Variants in RPN2 observed in about 807,000 individuals in gnomAD.
RPN2 encodes ribophorin II.
A neutral mutation model predicts 71.4 loss-of-function variants in RPN2; 29 were observed. The observed-to-expected ratio is 0.41, with a 90% CI of 0.30 to 0.55. RPN2 has a LOEUF of 0.55. Ranked by LOEUF, RPN2 falls within the 20% of genes least tolerant of loss-of-function variation. The pLI is 0.35. For missense variants in RPN2, 726 were observed against 774.1 expected, an observed-to-expected ratio of 0.94 and a Z score of 0.74; for synonymous variants, 308 against 305.0, an observed-to-expected ratio of 1.01 and a Z score of -0.10.
intron 2 of RPN2, among the ~76,000 whole-genome samples, chr20:37,185,977 G>A (rs966071047): frequency 9.9e-5 from 15 of 152,240 alleles, no homozygotes; most frequent in Non-Finnish European, 1.6e-4. Context: ...TCCTGTGGTT[G>A]TGGGCCTGAG....
At chr20:37,225,068 C>T (rs1174586527) in intron 10 of RPN2, among the ~76,000 whole-genome samples, 2 of 152,204 alleles carry the variant, frequency 1.3e-5, no homozygotes, top group Non-Finnish European at 2.9e-5. Context: ...GGTTTATCCC[C>T]TGGCCATCTT....
intron 15 of RPN2, among the ~76,000 whole-genome samples, chr20:37,235,472 GGGCCTGGACCA>G (rs925355221): frequency 6.6e-6 from 1 of 152,136 alleles, no homozygotes; most frequent in African/African-American, 2.4e-5. Context: ...GGTAAGGGCA[GGGCCTGGACCA>G]GGCCCCAGGG....
chr20:37,219,340 A>C (rs1355290033), intron 9 of RPN2, among the ~76,000 whole-genome samples: 1 of 152,100 alleles, frequency 6.6e-6, no homozygotes, highest in African/African-American at 2.4e-5. Flanking sequence ...TGTCTATTCA[A>C]ATCCATTGTC....
chr20:37,237,402 A>T (rs1238232165), intron 16 of RPN2, among the ~76,000 whole-genome samples: 4 of 152,372 alleles, frequency 2.6e-5, no homozygotes, highest in African/African-American at 7.2e-5. Context: ...AAGGCCAGTA[A>T]GAACAGAATT....
chr20:37,231,618 A>C (rs577449434), intron 13 of RPN2, among the ~76,000 whole-genome samples: 3 of 152,018 alleles, frequency 2.0e-5, no homozygotes, highest in East Asian at 3.9e-4. Flanking sequence ...AGGCTAAGGC[A>C]GGAGGATCTT....
intron 4 of RPN2, 79 bp downstream of exon 4, chr20:37,199,304 C>T: frequency 1.3e-6 from 2 of 1,550,580 alleles, no homozygotes; most frequent in East Asian, 2.3e-5. Context: ...ATTGGTTCAG[C>T]AAATACTTTC....
At chr20:37,199,780 T>C (rs2067338288) in intron 4 of RPN2, among the ~76,000 whole-genome samples, 1 of 152,180 alleles carries the variant, frequency 6.6e-6, no homozygotes, top group South Asian at 2.1e-4. Flanking sequence ...AATGGAAATA[T>C]TGTAACTTCA....
In RPN2 at chr20:37,236,635, G is replaced by A. The variant is rs1203879300; in HGVS notation, c.1809G>A (p.Leu603=). ...YWTQLNMFQT[L]KYLAILGSVT... ...CTCAGCTCAACATGTTCCAGACCTTGAAGTACCTGGCCATCCTGGGCAGTG... is the reference window on the plus strand; with the variant it reads ...CTCAGCTCAACATGTTCCAGACCTTAAAGTACCTGGCCATCCTGGGCAGTG... Residue 603 remains leucine, a synonymous_variant, in exon 16 of 17, where the codon TTG becomes TTA. Coordinates refer to ENST00000237530, the MANE Select transcript of RPN2 (RefSeq NM_002951.5). 5.6e-6 allele frequency: 9 copies of A among 1,614,088 alleles called. No homozygotes were observed. Among genetic ancestry groups the A allele is most frequent in the South Asian group, 1.1e-5 (1 of 91,076 alleles).
chr20:37,204,457 GC>G (rs1258677853), intron 5 of RPN2, among the ~76,000 whole-genome samples: 1 of 152,202 alleles, frequency 6.6e-6, no homozygotes, highest in African/African-American at 2.4e-5. Context: ...CAGCAGCCTG[GC>G]CCACTGGCTT....
chr20:37,227,084 A>G (rs75534682), intron 11 of RPN2, among the ~76,000 whole-genome samples: 1,801 of 152,326 alleles, frequency 0.012, 38 homozygotes, highest in African/African-American at 0.041. Context: ...CTATGGCCAC[A>G]GTCCTGGGAG....
At chr20:37,213,161 T>A (rs139637770) in intron 8 of RPN2, among the ~76,000 whole-genome samples, 2 of 152,378 alleles carry the variant, frequency 1.3e-5, no homozygotes, top group East Asian at 1.9e-4. Context: ...TTGTTGTCAT[T>A]GTGAAACATA....
At chr20:37,209,172 T>C (rs1448452979) in intron 7 of RPN2, among the ~76,000 whole-genome samples, 1 of 152,238 alleles carries the variant, frequency 6.6e-6, no homozygotes, top group Non-Finnish European at 1.5e-5. Context: ...ATTCTATCTG[T>C]GTCGTACAAT....
At chr20:37,232,152 A>G (rs868613836) in intron 13 of RPN2, 144 bp from the exon 14 acceptor site, 1 of 943,462 alleles carries the variant, frequency 1.1e-6, no homozygotes, top group African/African-American at 1.6e-5. Flanking sequence ...AAAAGGCCCC[A>G]TGCCCACTTG....
chr20:37,228,526 A>G (rs2068140517), intron 11 of RPN2, 24 bp from the exon 12 acceptor site: 1 of 1,606,158 alleles, frequency 6.2e-7, no homozygotes, highest in African/African-American at 1.3e-5. Flanking sequence ...ATCAGATGAA[A>G]GATTGTATTA....
rs1274970971 is a variant in RPN2, at chr20:37,232,399, G to T, written c.1677+8G>T. 7 of 1,613,966 alleles carry T rather than the reference G, an allele frequency of 4.3e-6. No homozygotes were observed. Among genetic ancestry groups the T allele is most frequent in the Non-Finnish European group, 5.9e-6 (7 of 1,179,992 alleles). ...CTTCTGCTCTTCGCTCTGGTGAGTG[G>T]CTGTAATTAGCGTGGGCAGCATGCG... On this transcript the variant is annotated splice_region_variant and intron_variant, in intron 14 of 16. Coordinates refer to ENST00000237530, the MANE Select transcript of RPN2 (RefSeq NM_002951.5).
In RPN2 at chr20:37,207,254, C is replaced by T. The variant is rs11698281; in HGVS notation, c.691-19C>T. The T allele has an allele frequency of 0.76, 1,209,448 of 1,601,860 alleles. 459,901 individuals are homozygous for T. Among genetic ancestry groups the T allele is most frequent in the Middle Eastern group, 0.82 (4,966 of 6,034 alleles). Reference sequence around the variant, plus strand: ...CCCAGCAGAGGAAGAGAAACAGCTGCATTTCGCATTTCTTTCAGGATCAGG... The same window carrying T: ...CCCAGCAGAGGAAGAGAAACAGCTGTATTTCGCATTTCTTTCAGGATCAGG... On this transcript the variant is annotated intron_variant, in intron 6 of 16. Coordinates refer to ENST00000237530, the MANE Select transcript of RPN2 (RefSeq NM_002951.5).
chr20:37,197,248 A>G (rs938860082), intron 2 of RPN2, among the ~76,000 whole-genome samples: 4 of 152,214 alleles, frequency 2.6e-5, no homozygotes, highest in East Asian at 1.9e-4. Context: ...TGAGAAAAAC[A>G]GGGAACCACT....
intron 1 of RPN2, among the ~76,000 whole-genome samples, chr20:37,183,501 T>C (rs2066930531): frequency 6.6e-6 from 1 of 152,152 alleles, no homozygotes; most frequent in African/African-American, 2.4e-5. Flanking sequence ...GGCCAGATCT[T>C]TCTGTATTAA....
chr20:37,241,408 A>C lies in RPN2; in HGVS notation c.*93A>C, dbSNP rs2068547318. ...ATGAGAAGAAAAATGGAAAAAAAAA[A>C]CTTTATTTAAAAAAGAAAAAAGTCC... On this transcript the variant is annotated 3_prime_UTR_variant, in exon 17 of 17. Transcript: ENST00000237530. 12 of 1,462,204 alleles carry C rather than the reference A, an allele frequency of 8.2e-6. No individual in the cohort carries two copies. The highest frequency in any genetic ancestry group is 1.0e-5 in the Non-Finnish European group (11 of 1,073,376). The allele number at this position is 1,462,204 out of a possible 1,614,324, so 90.6% of individuals were successfully genotyped here.
Sources: allele counts gnomAD v4.1 joint callset (sites outside exome capture counted in the v4.1 genomes callset), GRCh38; gene constraint gnomAD v4.1.1; transcripts MANE v1.5; gene names NCBI Gene and HGNC (gene_info 2026-07-23, HGNC 2026-07-21).